CNTN4: variants seen among roughly 807,000 people sequenced by gnomAD.
The protein encoded by CNTN4 is contactin 4, also known as contactin-4.
A neutral mutation model predicts 122.5 loss-of-function variants in CNTN4; 77 were observed. The ratio of observed to expected loss-of-function variants is 0.63; its 90% CI spans 0.52 to 0.76. The LOEUF is 0.76. CNTN4 is among the 30% of genes least tolerant of loss of function. CNTN4 has a pLI of 0.00. For synonymous variants in CNTN4, 512 were observed against 447.0 expected, an observed-to-expected ratio of 1.15 and a Z score of -1.83; for missense variants, 1,256 against 1,259.1, an observed-to-expected ratio of 1.00 and a Z score of 0.04.
At chr3:2,702,999 T>A (rs2086445265) in intron 4 of CNTN4, among the ~76,000 whole-genome samples, 1 of 152,202 alleles carries the variant, frequency 6.6e-6, no homozygotes, top group Admixed American at 6.5e-5. Flanking sequence ...CTTCTGGTAA[T>A]TTCTGTAAGT....
intron 3 of CNTN4, among the ~76,000 whole-genome samples, chr3:2,445,818 C>A (rs2151316276): frequency 6.6e-6 from 1 of 152,270 alleles, no homozygotes; most frequent in Admixed American, 6.5e-5. Flanking sequence ...CCATCTCTCT[C>A]CACCACATCC....
intron 6 of CNTN4, among the ~76,000 whole-genome samples, chr3:2,804,569 T>G (rs538313821): frequency 1.0e-3 from 157 of 152,338 alleles, no homozygotes; most frequent in African/African-American, 3.7e-3. Flanking sequence ...CAATAAATCT[T>G]AGCTCTAAAT....
chr3:2,461,203 T>G (rs963383529), intron 3 of CNTN4, among the ~76,000 whole-genome samples: 2 of 152,212 alleles, frequency 1.3e-5, no homozygotes, highest in Admixed American at 1.3e-4. Flanking sequence ...TTCTCTACTC[T>G]TAAATAACTT....
intron 7 of CNTN4, among the ~76,000 whole-genome samples, chr3:2,835,782 A>G (rs1038788954): frequency 6.6e-6 from 1 of 152,196 alleles, no homozygotes; most frequent in Non-Finnish European, 1.5e-5. Context: ...ACAAATTAAT[A>G]ACCTTAAATT....
chr3:2,940,186 G>A (rs2094601128), intron 13 of CNTN4, among the ~76,000 whole-genome samples: 2 of 152,234 alleles, frequency 1.3e-5, no homozygotes, highest in African/African-American at 4.8e-5. Context: ...GATTTATGCA[G>A]AGTGTGCATG....
chr3:2,769,150 C>T (rs536292239), intron 6 of CNTN4, among the ~76,000 whole-genome samples: 22 of 152,240 alleles, frequency 1.4e-4, no homozygotes, highest in African/African-American at 2.6e-4. Flanking sequence ...CACCAGTCTA[C>T]GCAAATATGC....
At chr3:2,478,411 T>TG (rs986181710) in intron 3 of CNTN4, among the ~76,000 whole-genome samples, 38 of 124,210 alleles carry the variant, frequency 3.1e-4, no homozygotes, top group East Asian at 1.4e-3. Context: ...TCTGTTTGTT[T>TG]TTTTTTTTTA....
intron 2 of CNTN4, among the ~76,000 whole-genome samples, chr3:2,198,418 G>A (rs1434697330): frequency 6.6e-6 from 1 of 152,068 alleles, no homozygotes; most frequent in African/African-American, 2.4e-5. Flanking sequence ...CAGACTGAAA[G>A]TATTTGTATC....
Position 2,610,532 on chromosome 3 carries a change from G to C in CNTN4, c.55+38974G>C, listed in dbSNP as rs554451187. Reference sequence around the variant, plus strand: ...TTTCCACTGAGTCGCATTTCAGCCTGTGTAGAAACTCATGATGACGTGTTG... The same window carrying C: ...TTTCCACTGAGTCGCATTTCAGCCTCTGTAGAAACTCATGATGACGTGTTG... On this transcript the variant is annotated intron_variant, in intron 4 of 24. Transcript: ENST00000418658. 6.0e-4 allele frequency among the ~76,000 whole-genome samples: 91 copies of C among 152,252 alleles called. 1 individual carries two copies. The highest frequency in any genetic ancestry group is 2.1e-3 in the African/African-American group (86 of 41,548).
At chr3:2,149,081 T>G (rs1479040510) in intron 2 of CNTN4, among the ~76,000 whole-genome samples, 1 of 152,120 alleles carries the variant, frequency 6.6e-6, no homozygotes, top group Non-Finnish European at 1.5e-5. Flanking sequence ...TTGTTGATTC[T>G]AAGAGTTTTT....
chr3:2,853,152 T>G (rs887605789), intron 7 of CNTN4, among the ~76,000 whole-genome samples: 1 of 151,630 alleles, frequency 6.6e-6, no homozygotes, highest in Non-Finnish European at 1.5e-5. Context: ...TATTAAGAAA[T>G]TTTTCAGATA....
At chr3:2,914,704 C>T (rs62232783) in intron 12 of CNTN4, among the ~76,000 whole-genome samples, 63,582 of 151,986 alleles carry the variant, frequency 0.42, 13,621 homozygotes, top group East Asian at 0.64. Context: ...CTACCAAATA[C>T]TTAAAGAAGA....
intron 13 of CNTN4, among the ~76,000 whole-genome samples, chr3:2,941,708 T>G (rs1389961048): frequency 1.3e-5 from 2 of 152,218 alleles, no homozygotes; most frequent in African/African-American, 4.8e-5. Context: ...CCTTCCAATG[T>G]GTTCTCTGTA....
intron 4 of CNTN4, among the ~76,000 whole-genome samples, chr3:2,640,795 G>A (rs1053863578): frequency 6.6e-6 from 1 of 152,180 alleles, no homozygotes; most frequent in African/African-American, 2.4e-5. Flanking sequence ...CTTTGTAGCT[G>A]ATTGACTTTG....
chr3:2,476,014 A>C (rs1162387077), intron 3 of CNTN4, among the ~76,000 whole-genome samples: 2 of 152,220 alleles, frequency 1.3e-5, no homozygotes, highest in African/African-American at 4.8e-5. Context: ...AATGCTCACA[A>C]AATCTGGGTT....
chr3:2,905,230 G>A (rs934828121), intron 12 of CNTN4, among the ~76,000 whole-genome samples: 2 of 152,114 alleles, frequency 1.3e-5, no homozygotes, highest in Admixed American at 6.6e-5. Flanking sequence ...GTTTCCCGAC[G>A]CCAGCAAACT....
chr3:2,627,541 T>C (rs994882672), intron 4 of CNTN4, among the ~76,000 whole-genome samples: 1 of 147,578 alleles, frequency 6.8e-6, no homozygotes, highest in Admixed American at 7.0e-5. Flanking sequence ...TCGCCCAGGC[T>C]GGAGTGTAGT....
chr3:2,202,367 T>G (rs2038139943), intron 2 of CNTN4, among the ~76,000 whole-genome samples: 1 of 152,204 alleles, frequency 6.6e-6, no homozygotes, highest in South Asian at 2.1e-4. Flanking sequence ...GTTACAAGTA[T>G]TTGTTCTAAT....
intron 4 of CNTN4, among the ~76,000 whole-genome samples, chr3:2,633,495 A>G (rs1381044662): frequency 3.3e-5 from 5 of 152,248 alleles, no homozygotes. Flanking sequence ...ATAAACACAT[A>G]GGCTTCTCAC....
Sources: gnomAD v4.1 joint callset for allele counts (sites outside exome capture counted in the v4.1 genomes callset) on GRCh38, gnomAD v4.1.1 for gene constraint, MANE v1.5 for transcripts, NCBI Gene and HGNC (gene_info 2026-07-23, HGNC 2026-07-21) for gene names.